Variants in EPHA6 observed in about 807,000 individuals in gnomAD.
EPHA6 encodes the protein ephrin type-A receptor 6.
In EPHA6, 50 loss-of-function variants were observed where a neutral mutation model predicts 112.0. The ratio of observed to expected loss-of-function variants is 0.45; its 90% CI spans 0.36 to 0.56. The LOEUF (loss-of-function observed/expected upper bound fraction) is 0.56, where lower values mean the gene tolerates loss of function less well. EPHA6 is among the 20% of genes least tolerant of loss of function. EPHA6 has a pLI of 0.00. For missense variants in EPHA6, 1,280 were observed against 1,417.4 expected (o/e 0.90, Z 1.56); for synonymous variants, 529 against 490.7 (o/e 1.08, Z -1.03).
chr3:97,109,826 G>T (rs1233285553), intron 3 of EPHA6, among the ~76,000 whole-genome samples: 1 of 152,088 alleles, frequency 6.6e-6, no homozygotes, highest in Admixed American at 6.6e-5. Context: ...ATAGACAGAA[G>T]GTTACACTTA....
At chr3:97,598,457 T>C (rs899122434) in intron 12 of EPHA6, among the ~76,000 whole-genome samples, 3 of 121,442 alleles carry the variant, frequency 2.5e-5, no homozygotes, top group African/African-American at 6.4e-5. Flanking sequence ...GATATTCCCC[T>C]TCCTGTGTCC....
chr3:96,877,760 CA>C (rs2037060144), intron 2 of EPHA6, among the ~76,000 whole-genome samples: 1 of 151,816 alleles, frequency 6.6e-6, no homozygotes, highest in Admixed American at 6.6e-5. Flanking sequence ...TTTAGCAAAG[CA>C]AAACCTGTTG....
chr3:97,734,747 T>C (rs1293072796), intron 15 of EPHA6, among the ~76,000 whole-genome samples: 1 of 152,046 alleles, frequency 6.6e-6, no homozygotes, highest in Non-Finnish European at 1.5e-5. Context: ...AAGTTAAATT[T>C]TGCCTGTCTT....
intron 2 of EPHA6, among the ~76,000 whole-genome samples, chr3:96,908,430 A>G (rs72916417): frequency 0.013 from 2,051 of 152,094 alleles, 49 homozygotes; most frequent in African/African-American, 0.045. Flanking sequence ...AATATGACAA[A>G]GTACTGATCT....
At chr3:97,297,236 G>A (rs2080905110) in intron 5 of EPHA6, among the ~76,000 whole-genome samples, 1 of 152,164 alleles carries the variant, frequency 6.6e-6, no homozygotes. Context: ...CACCAACTGA[G>A]TGAGCTGCCT....
intron 5 of EPHA6, among the ~76,000 whole-genome samples, chr3:97,395,550 TA>T (rs1196224879): frequency 5.3e-5 from 8 of 151,784 alleles, no homozygotes; most frequent in Non-Finnish European, 1.0e-4. Context: ...GCTTTGCAAT[TA>T]TACCCGTTAG....
rs551237516 is a variant in EPHA6, at chr3:96,955,640, CAG to C, written c.451-31688_451-31687del. ...GTGCTGATGCATTTGCAAAAGCAGACAGAAATTTAAACATAAAGGTTGAGGTT... is the reference window on the plus strand; with the variant it reads ...GTGCTGATGCATTTGCAAAAGCAGACAAATTTAAACATAAAGGTTGAGGTT... On this transcript the variant is annotated intron_variant, in intron 2 of 17. Coordinates refer to ENST00000389672, the MANE Select transcript of EPHA6 (RefSeq NM_001080448.3). Among the ~76,000 whole-genome samples, 28 of 152,140 alleles carry C rather than the reference CAG, an allele frequency of 1.8e-4. 1 individual carries two copies. The South Asian group carries it at 3.9e-3, about 21-fold the overall frequency.
intron 10 of EPHA6, among the ~76,000 whole-genome samples, chr3:97,485,292 C>T (rs890268183): frequency 6.6e-6 from 1 of 152,178 alleles, no homozygotes; most frequent in African/African-American, 2.4e-5. Flanking sequence ...CTGAAATATA[C>T]AGAGTCCCTT....
In EPHA6 at chr3:96,917,157, G is replaced by A. The variant is rs534152756; in HGVS notation, c.450+50268G>A. On this transcript the variant is annotated intron_variant, in intron 2 of 17. Transcript: ENST00000389672. ...ATTTTTTGGCCGGGTGTGGTGGCTC[G>A]CACCTGTAATCCCAGCACTTTGAGA... is the stretch of plus-strand genomic sequence containing the variant. Among the ~76,000 whole-genome samples the A allele has an allele frequency of 1.2e-3, 181 of 151,914 alleles. 1 individual carries two copies. The highest frequency in any genetic ancestry group is 3.6e-3 in the African/African-American group (149 of 41,464).
At chr3:96,966,130 G>C (rs1374707127) in intron 2 of EPHA6, among the ~76,000 whole-genome samples, 1 of 152,012 alleles carries the variant, frequency 6.6e-6, no homozygotes, top group Non-Finnish European at 1.5e-5. Flanking sequence ...CTTTCTGTGA[G>C]TTTTAAAATA....
At chr3:97,329,414 CT>C (rs2082661498) in intron 5 of EPHA6, among the ~76,000 whole-genome samples, 1 of 150,616 alleles carries the variant, frequency 6.6e-6, no homozygotes, top group Non-Finnish European at 1.5e-5. Flanking sequence ...AATGGTTGAA[CT>C]AGTTTACAGT....
intron 5 of EPHA6, among the ~76,000 whole-genome samples, chr3:97,346,681 T>TTG (rs397945520): frequency 6.6e-6 from 1 of 151,510 alleles, no homozygotes; most frequent in African/African-American, 2.4e-5. Context: ...TTTTTTTTTT[T>TTG]GTCAAAACCT....
At chr3:97,158,091 A>T (rs944137846) in intron 3 of EPHA6, among the ~76,000 whole-genome samples, 4 of 152,158 alleles carry the variant, frequency 2.6e-5, no homozygotes, top group African/African-American at 9.7e-5. Context: ...ACAACCAAAA[A>T]CACACTAATA....
Position 97,758,312 on chromosome 3 carries a change from A to G in EPHA6, c.*9611A>G, listed in dbSNP as rs189131527. Among the ~76,000 whole-genome samples, 1 of 152,168 alleles carries G rather than the reference A, an allele frequency of 6.6e-6. No individual in the cohort carries two copies. Among genetic ancestry groups the G allele is most frequent in the Admixed American group, 6.5e-5 (1 of 15,294 alleles). ...CTATAATATAACAATCAAAAATATCAGTCAAAGCTTAGTGTTTACCTCTTT... is the reference window on the plus strand; with the variant it reads ...CTATAATATAACAATCAAAAATATCGGTCAAAGCTTAGTGTTTACCTCTTT... On this transcript the variant is annotated 3_prime_UTR_variant, in exon 18 of 18. Transcript: ENST00000389672.
At chr3:97,099,230 A>G (rs992356312) in intron 3 of EPHA6, among the ~76,000 whole-genome samples, 3 of 151,726 alleles carry the variant, frequency 2.0e-5, no homozygotes, top group Admixed American at 6.6e-5. Context: ...AGACTTATCC[A>G]TAACTTTCCC....
chr3:97,590,384 A>C (rs997182530), intron 11 of EPHA6: 1 of 152,206 alleles, frequency 6.6e-6, no homozygotes, highest in Non-Finnish European at 1.5e-5. Flanking sequence ...AACAGTAATC[A>C]ATGCAATCAT....
intron 6 of EPHA6, among the ~76,000 whole-genome samples, chr3:97,435,291 T>C (rs1173144372): frequency 6.6e-6 from 1 of 152,196 alleles, no homozygotes; most frequent in Non-Finnish European, 1.5e-5. Context: ...GTATTTTCAG[T>C]ACTGGGTCAA....
At chr3:97,109,001 C>G (rs1051919235) in intron 3 of EPHA6, among the ~76,000 whole-genome samples, 1 of 152,144 alleles carries the variant, frequency 6.6e-6, no homozygotes, top group African/African-American at 2.4e-5. Flanking sequence ...GCCAGAGTGA[C>G]AGATGGCAGG....
At chr3:97,588,437 T>C (rs1385489609) in intron 11 of EPHA6, among the ~76,000 whole-genome samples, 1 of 152,200 alleles carries the variant, frequency 6.6e-6, no homozygotes, top group East Asian at 1.9e-4. Flanking sequence ...TGCAACCTAA[T>C]GAAAACAATT....
Sources: allele counts gnomAD v4.1 joint callset (sites outside exome capture counted in the v4.1 genomes callset), GRCh38; gene constraint gnomAD v4.1.1; transcripts MANE v1.5; gene names NCBI Gene and HGNC (gene_info 2026-07-23, HGNC 2026-07-21).